The following TEKTL1 variants were observed in gnomAD, a reference collection of about 807,000 sequenced individuals.
TEKTL1 encodes the protein tektin like 1, also known as tektin-like protein 1.
the TEKTL1 span, among the ~76,000 whole-genome samples, chr19:15,015,057 G>T: frequency 6.6e-6 from 1 of 152,256 alleles, no homozygotes; most frequent in South Asian, 2.1e-4. Context: ...AGGCACAGTT[G>T]CAAGTGCCTG....
chr19:15,013,480 G>A, the TEKTL1 span, among the ~76,000 whole-genome samples: 5 of 152,062 alleles, frequency 3.3e-5, no homozygotes, highest in African/African-American at 1.2e-4. Flanking sequence ...GACCCGCCAA[G>A]TCAGAGAGCC....
At chr19:15,014,452 G>A in the TEKTL1 span, among the ~76,000 whole-genome samples, 1 of 151,978 alleles carries the variant, frequency 6.6e-6, no homozygotes, top group Non-Finnish European at 1.5e-5. Flanking sequence ...CATTCTAAAG[G>A]CATTCAAAGA....
chr19:15,011,996 C>G, the TEKTL1 span, among the ~76,000 whole-genome samples: 1 of 151,834 alleles, frequency 6.6e-6, no homozygotes, highest in African/African-American at 2.4e-5. Flanking sequence ...TGGTGCACAC[C>G]TGTAATCCCA....
the TEKTL1 span, chr19:15,011,074 C>G: frequency 1.3e-6 from 2 of 1,574,316 alleles, no homozygotes; most frequent in Admixed American, 1.8e-5. Context: ...GCGGCGGCAC[C>G]TTGGAGAAGC....
the TEKTL1 span, chr19:15,010,855 C>G: frequency 6.5e-7 from 1 of 1,549,772 alleles, no homozygotes; most frequent in Non-Finnish European, 8.7e-7. Context: ...CGGCTGAGCG[C>G]AGCCAGGACA....
chr19:15,021,662 G>A, the TEKTL1 span: 31 of 1,613,992 alleles, frequency 1.9e-5, no homozygotes, highest in South Asian at 3.3e-5. Flanking sequence ...ACTATCCTCC[G>A]GTGTACGAAA....
At chr19:15,020,762 C>A in the TEKTL1 span, 1 of 981,912 alleles carries the variant, frequency 1.0e-6, no homozygotes, top group Non-Finnish European at 1.5e-6. Flanking sequence ...GGGAAATAGC[C>A]CTAGAGTCAA....
the TEKTL1 span, among the ~76,000 whole-genome samples, chr19:15,016,981 A>G: frequency 6.6e-6 from 1 of 152,160 alleles, no homozygotes; most frequent in African/African-American, 2.4e-5. Context: ...CCCAAGCAGG[A>G]GAGTTGCTTG....
the TEKTL1 span, chr19:15,023,226 C>A: frequency 1.1e-6 from 1 of 936,302 alleles, no homozygotes; most frequent in Non-Finnish European, 1.6e-6. Context: ...ACCCTCCCTC[C>A]AAGCACCCTC....
the TEKTL1 span, chr19:15,010,811 G>A: frequency 6.6e-7 from 1 of 1,515,486 alleles, no homozygotes; most frequent in African/African-American, 1.4e-5. Flanking sequence ...CAGGCCGAGA[G>A]ACCAAGCAGG....
At chr19:15,019,911 G>A in the TEKTL1 span, among the ~76,000 whole-genome samples, 1 of 151,400 alleles carries the variant, frequency 6.6e-6, no homozygotes, top group African/African-American at 2.4e-5. Flanking sequence ...AGGCTGCAGT[G>A]AGTTACGATT....
chr19:15,021,206 C>G, the TEKTL1 span: 1 of 967,478 alleles, frequency 1.0e-6, no homozygotes, highest in African/African-American at 1.6e-5. Context: ...GCTTCTTACA[C>G]TATCCCCCGC....
the TEKTL1 span, among the ~76,000 whole-genome samples, chr19:15,014,732 GGGGGGC>G: frequency 1.7e-5 from 2 of 118,460 alleles, no homozygotes; most frequent in East Asian, 5.9e-4. Flanking sequence ...GTGGGGGGGC[GGGGGGC>G]GGGGGCTGCT....
chr19:15,021,216 C>G, the TEKTL1 span: 1 of 1,078,534 alleles, frequency 9.3e-7, no homozygotes, highest in Non-Finnish European at 1.3e-6. Flanking sequence ...CTATCCCCCG[C>G]GCCCCCTGGA....
At chr19:15,013,052 A>G in the TEKTL1 span, among the ~76,000 whole-genome samples, 1 of 152,182 alleles carries the variant, frequency 6.6e-6, no homozygotes, top group East Asian at 1.9e-4. Context: ...TCAGACTCCC[A>G]ACCCTCACAC....
the TEKTL1 span, among the ~76,000 whole-genome samples, chr19:15,018,446 C>T: frequency 5.9e-5 from 9 of 151,772 alleles, no homozygotes; most frequent in East Asian, 1.9e-4. Flanking sequence ...CAGCAGCTCG[C>T]GCCTGTAATT....
chr19:15,020,307 C>CAAA, the TEKTL1 span, among the ~76,000 whole-genome samples: 13 of 139,106 alleles, frequency 9.3e-5, no homozygotes, highest in African/African-American at 2.5e-4. Flanking sequence ...GATTTTGTCT[C>CAAA]AAAAAAAAAA....
At chr19:15,019,576 T>C in the TEKTL1 span, among the ~76,000 whole-genome samples, 1 of 152,164 alleles carries the variant, frequency 6.6e-6, no homozygotes, top group Non-Finnish European at 1.5e-5. Flanking sequence ...GGTGGTGTGA[T>C]GTGAGTCAAA....
the TEKTL1 span, chr19:15,021,669 G>A: frequency 6.2e-7 from 1 of 1,614,090 alleles, no homozygotes; most frequent in Non-Finnish European, 8.5e-7. Flanking sequence ...TCCGGTGTAC[G>A]AAATATAACC....
Sources: allele counts gnomAD v4.1 joint callset (sites outside exome capture counted in the v4.1 genomes callset), GRCh38; gene constraint gnomAD v4.1.1; transcripts MANE v1.5; gene names NCBI Gene and HGNC (gene_info 2026-07-23, HGNC 2026-07-21).